The following SCARF1 variants were observed in gnomAD, a reference collection of about 807,000 sequenced individuals.
The protein encoded by SCARF1 is acetyl LDL receptor.
SCARF1 carries 49 observed loss-of-function variants against 76.3 expected under a neutral mutation model. The ratio of observed to expected loss-of-function variants is 0.64; its 90% confidence interval spans 0.51 to 0.81. SCARF1 has a LOEUF of 0.81. SCARF1 is among the 40% of genes least tolerant of loss of function. The pLI is 0.00. For synonymous variants in SCARF1, 495 were observed against 474.6 expected (o/e 1.04, Z -0.56); for missense variants, 1,098 against 1,143.9 (o/e 0.96, Z 0.58).
In SCARF1 at chr17:1,638,914, C is replaced by T. The variant is rs138248215; in HGVS notation, c.1256G>A (p.Arg419Gln). The T allele has an allele frequency of 2.6e-5, 41 of 1,596,074 alleles. 1 individual carries two copies. Among genetic ancestry groups the T allele is most frequent in the South Asian group, 1.8e-4 (16 of 88,482 alleles). Reference protein sequence around the residue: ...SGSCQPGSGSRDTALIAGSLV... With the variant: ...SGSCQPGSGSQDTALIAGSLV... ...GCTGCCCGCGATGAGGGCAGTGTCCCGACTGCCAGAGCCTGGGGGAGCCAG... is the reference window on the plus strand; with the variant it reads ...GCTGCCCGCGATGAGGGCAGTGTCCTGACTGCCAGAGCCTGGGGGAGCCAG... The change falls in exon 8 of 11, where the codon CGG becomes CAG. Residue 419 changes from arginine (R) to glutamine (Q), a missense_variant. Physicochemically the swap from Arg to Gln is conservative, Grantham distance 43. Coordinates refer to ENST00000263071, the MANE Select transcript of SCARF1 (RefSeq NM_003693.4).
At position 1,644,004 on chromosome 17, in the gene SCARF1, G is replaced by C; in HGVS notation, c.266-37C>G. On this transcript the variant is annotated intron_variant, in intron 3 of 10. Transcript: ENST00000263071. This position sits in a 1 kb window ranked among gnomAD's most constrained non-coding sequence, Gnocchi z 4.8. Reference sequence around the variant, plus strand: ...GGGACGGGAGGGGTCAGCGGGCTCAGGGCCGCGCGCAGACCCTTACCCTGC... The same window carrying C: ...GGGACGGGAGGGGTCAGCGGGCTCACGGCCGCGCGCAGACCCTTACCCTGC... 7.7e-7 allele frequency: 1 copy of C among 1,298,460 alleles called. No homozygotes were observed. The highest frequency in any genetic ancestry group is 2.2e-5 in the South Asian group (1 of 46,318). The allele number at this position is 1,298,460 out of a possible 1,614,324, so 80.4% of individuals were successfully genotyped here. A position where few individuals can be genotyped will look rare whatever the true frequency, so the allele number is the denominator to read the frequency against.
Position 1,635,620 on chromosome 17 carries a change from G to A in SCARF1, c.1634-3C>T. On this transcript the variant is annotated splice_region_variant and splice_polypyrimidine_tract_variant and intron_variant, in intron 10 of 10. Coordinates refer to ENST00000263071, the MANE Select transcript of SCARF1 (RefSeq NM_003693.4). ...TGCCTGGGCCACAGGGACCATCCCTGGCAGAGGAGACAGAAGAGCTTGGCT... is the reference window on the plus strand; with the variant it reads ...TGCCTGGGCCACAGGGACCATCCCTAGCAGAGGAGACAGAAGAGCTTGGCT... The A allele has an allele frequency of 6.3e-7, 1 of 1,598,150 alleles. No homozygotes were observed. Among genetic ancestry groups the A allele is most frequent in the Non-Finnish European group, 8.5e-7 (1 of 1,178,562 alleles).
At chr17:1,638,965 G>GTC (rs769090263) in intron 7 of SCARF1, 39 bp from the exon 8 acceptor site, 1 of 1,545,032 alleles carries the variant, frequency 6.5e-7, no homozygotes, top group Non-Finnish European at 8.8e-7. Flanking sequence ...AGGCCTTCCT[G>GTC]TCTCCTACAC....
chr17:1,637,139 G>C, intron 8 of SCARF1, 77 bp from the exon 9 acceptor site: 1 of 1,515,356 alleles, frequency 6.6e-7, no homozygotes, highest in South Asian at 1.1e-5. Flanking sequence ...GGGTGTGACA[G>C]GGTGACTGCC....
In SCARF1 at chr17:1,640,274, A is replaced by G; in HGVS notation, c.1010+174T>C. 2 of 774,790 alleles carry G rather than the reference A, an allele frequency of 2.6e-6. No homozygotes were observed. The allele number at this position is 774,790 out of a possible 1,614,324, so 48.0% of individuals were successfully genotyped here. Reference sequence around the variant, plus strand: ...AAGCCTCAGAGGGGAGGGAGCTGGGATCCTGCCCAGGCCCCCCCAGAACCC... The same window carrying G: ...AAGCCTCAGAGGGGAGGGAGCTGGGGTCCTGCCCAGGCCCCCCCAGAACCC... On this transcript the variant is annotated intron_variant, in intron 5 of 10. Coordinates refer to ENST00000263071, the MANE Select transcript of SCARF1 (RefSeq NM_003693.4). This position sits in a 1 kb window ranked among gnomAD's most constrained non-coding sequence, Gnocchi z 4.7.
In SCARF1 at chr17:1,639,860, G is replaced by A. The variant is rs1235886412; in HGVS notation, c.1139+52C>T. 4 of 1,610,694 alleles carry A rather than the reference G, an allele frequency of 2.5e-6. No homozygotes were observed. The Admixed American group carries it at 6.7e-5, about 27-fold the overall frequency. ...GGAAGTTCAGGAAATGCTGCACAGA[G>A]CCCTGACCTAGGCCCCTGGCACTCT... On this transcript the variant is annotated intron_variant, in intron 6 of 10. Coordinates refer to ENST00000263071, the MANE Select transcript of SCARF1 (RefSeq NM_003693.4).
At chr17:1,637,723 T>G (rs1814986) in intron 8 of SCARF1, among the ~76,000 whole-genome samples, 1 of 151,758 alleles carries the variant, frequency 6.6e-6, no homozygotes, top group Non-Finnish European at 1.5e-5. Context: ...CCACTCACCT[T>G]GGCCTCCCAA....
intron 4 of SCARF1, among the ~76,000 whole-genome samples, chr17:1,641,160 T>C (rs2151098185): frequency 6.6e-6 from 1 of 152,300 alleles, no homozygotes; most frequent in East Asian, 1.9e-4. Flanking sequence ...TACTAGTCCG[T>C]GGCATGTTAG....
chr17:1,642,699 G>C (rs926103133), intron 4 of SCARF1, among the ~76,000 whole-genome samples: 1 of 152,074 alleles, frequency 6.6e-6, no homozygotes, highest in African/African-American at 2.4e-5. Flanking sequence ...GCAACAAAGC[G>C]TTTTTAAAAG....
In SCARF1 at chr17:1,640,197, C is replaced by T. The variant is rs1909922873; in HGVS notation, c.1011-157G>A. 2.2e-6 allele frequency: 2 copies of T among 891,802 alleles called. No homozygotes were observed. The highest frequency in any genetic ancestry group is 5.3e-5 in the East Asian group (2 of 37,840). 55.2% of individuals were successfully genotyped at this position (891,802 alleles called of 1,614,324 possible). On this transcript the variant is annotated intron_variant, in intron 5 of 10. Coordinates refer to ENST00000263071, the MANE Select transcript of SCARF1 (RefSeq NM_003693.4). The surrounding 1 kb of genome is among the most constrained non-coding windows in gnomAD (Gnocchi z 4.7). ...TGCAAATAGGGCCTTGAACTTGGGG[C>T]CAAATCCAGCAGGTGACAGACTACA...
chr17:1,634,730 C>T lies in SCARF1; in HGVS notation c.*28G>A, dbSNP rs755448519. 5 of 1,556,980 alleles carry T rather than the reference C, an allele frequency of 3.2e-6. No homozygotes were observed. In the Admixed American group the frequency reaches 9.5e-5, roughly 29 times the overall value. ...CACACAGCACAGTCTAGTCCATCCA[C>T]TCTCCCCACTCCCCAAATTCAAGGT... is the stretch of plus-strand genomic sequence containing the variant. On this transcript the variant is annotated 3_prime_UTR_variant, in exon 11 of 11. Coordinates refer to ENST00000263071, the MANE Select transcript of SCARF1 (RefSeq NM_003693.4).
Position 1,643,598 on chromosome 17 carries a change from G to A in SCARF1, c.635C>T (p.Pro212Leu). ...CTGGCATTCGGGACCCCACCAGCCC[G>A]GCCGGCAGGCGCAGCGGCCGGAGTC... ...EQDSGRCACRPGWWGPECQQQ... is the reference protein window; with the variant it reads ...EQDSGRCACRLGWWGPECQQQ... The change falls in exon 4 of 11, where the codon CCG becomes CTG. Residue 212 changes from proline (P) to leucine (L), a missense_variant. By Grantham distance (98) the Pro-to-Leu change is moderately conservative. Transcript: ENST00000263071. 6.8e-7 allele frequency: 1 copy of A among 1,473,856 alleles called. No homozygotes were observed. Among genetic ancestry groups the A allele is most frequent in the Non-Finnish European group, 8.9e-7 (1 of 1,120,336 alleles). The allele number at this position is 1,473,856 out of a possible 1,614,324, so 91.3% of individuals were successfully genotyped here.
Position 1,636,821 on chromosome 17 carries a change from G to A in SCARF1, c.1521C>T (p.His507=). ...SHHDPEVPFN[H]SFIEPPSAGW... ...CGGCAGAGGGCGGCTCGATGAAGCT[G>A]TGGTTGAAGGGGACCTCCGGGTCGT... Residue 507 remains histidine (H), a synonymous_variant, in exon 10 of 11, where the codon CAC becomes CAT. Coordinates refer to ENST00000263071, the MANE Select transcript of SCARF1 (RefSeq NM_003693.4). The A allele has an allele frequency of 1.9e-6, 3 of 1,614,054 alleles. No individual in the cohort carries two copies. The highest frequency in any genetic ancestry group is 2.5e-6 in the Non-Finnish European group (3 of 1,180,006).
At chr17:1,642,430 C>T (rs527851724) in intron 4 of SCARF1, among the ~76,000 whole-genome samples, 164 of 147,342 alleles carry the variant, frequency 1.1e-3, no homozygotes, top group Middle Eastern at 3.5e-3. Context: ...TGAGAATATG[C>T]GGTGTTTGGT....
In SCARF1 at chr17:1,640,307, T is replaced by A. The variant is rs976748055; in HGVS notation, c.1010+141A>T. ...CAGGCCCCCCCAGAACCCACTGCTC[T>A]CCCCCAGTCTTCAACAGGAGGGAGG... is the stretch of plus-strand genomic sequence containing the variant. On this transcript the variant is annotated intron_variant, in intron 5 of 10. Transcript: ENST00000263071. This position sits in a 1 kb window ranked among gnomAD's most constrained non-coding sequence, Gnocchi z 4.7. The A allele has an allele frequency of 3.8e-5, 33 of 858,778 alleles. No individual in the cohort carries two copies. Among genetic ancestry groups the A allele is most frequent in the Middle Eastern group, 3.5e-4 (1 of 2,824 alleles). 53.2% of individuals were successfully genotyped at this position (858,778 alleles called of 1,614,324 possible). A position where few individuals can be genotyped will look rare whatever the true frequency, so the allele number is the denominator to read the frequency against.
In SCARF1 at chr17:1,635,353, T is replaced by G; in HGVS notation, c.1898A>C (p.Glu633Ala). The change falls in exon 11 of 11, where the codon GAA becomes GCA. Residue 633 changes from glutamate to alanine, a missense_variant. Transcript: ENST00000263071. ...AQSGPEGREA[E>A]ESTGPEEAEA... Reference sequence around the variant, plus strand: ...TGCTTCCTCTGGGCCTGTGGACTCTTCGGCTTCCCGGCCCTCAGGACCCGA... The same window carrying G: ...TGCTTCCTCTGGGCCTGTGGACTCTGCGGCTTCCCGGCCCTCAGGACCCGA... 1 of 1,613,216 alleles carries G rather than the reference T, an allele frequency of 6.2e-7. No homozygotes were observed. Among genetic ancestry groups the G allele is most frequent in the South Asian group, 1.1e-5 (1 of 91,046 alleles).
intron 4 of SCARF1, among the ~76,000 whole-genome samples, chr17:1,641,965 G>A (rs1185738509): frequency 3.3e-5 from 5 of 151,560 alleles, no homozygotes; most frequent in Non-Finnish European, 4.4e-5. Context: ...CAGGTGATCC[G>A]CCCGCCTCGG....
At chr17:1,638,729 C>G (rs1909789872) in intron 8 of SCARF1, 77 bp downstream of exon 8, 1 of 1,451,812 alleles carries the variant, frequency 6.9e-7, no homozygotes, top group Non-Finnish European at 9.2e-7. Context: ...CCTCCCCACC[C>G]CACAAGGAAA....
At position 1,645,714 on chromosome 17, in the gene SCARF1, G is replaced by A. The variant is rs373829585; in HGVS notation, c.-17C>T. 6.3e-6 allele frequency: 10 copies of A among 1,579,820 alleles called. No individual in the cohort carries two copies. Among genetic ancestry groups the A allele is most frequent in the Non-Finnish European group, 8.6e-6 (10 of 1,166,954 alleles). ...CAGCCCCATGGCAGGCAGCTCGGTG[G>A]GAGCGCTCGGGTTCGTCTGGCCCCC... On this transcript the variant is annotated 5_prime_UTR_variant, in exon 1 of 11. Coordinates refer to ENST00000263071, the MANE Select transcript of SCARF1 (RefSeq NM_003693.4). This position sits in a 1 kb window ranked among gnomAD's most constrained non-coding sequence, Gnocchi z 6.3.
Sources: allele counts gnomAD v4.1 joint callset (sites outside exome capture counted in the v4.1 genomes callset), GRCh38; gene constraint gnomAD v4.1.1; non-coding constraint Gnocchi (gnomAD v3.1); transcripts MANE v1.5; gene names NCBI Gene and HGNC (gene_info 2026-07-23, HGNC 2026-07-21).